Variants in RREB1 observed in about 807,000 individuals in gnomAD.
RREB1 encodes the protein ras responsive element binding protein 1, also known as ras-responsive element-binding protein 1.
Under a neutral mutation model 117.8 loss-of-function variants are expected in RREB1, and 27 were observed. That is an observed-to-expected ratio of 0.23 (90% confidence interval 0.17 to 0.32). The LOEUF is 0.32. Among genes scored for constraint, RREB1 ranks in the 10% least tolerant of loss-of-function variants. RREB1 has a pLI of 1.00. For missense variants in RREB1, 2,577 were observed against 2,378.2 expected, an observed-to-expected ratio of 1.08 and a Z score of -1.74; for synonymous variants, 1,298 against 1,026.7, an observed-to-expected ratio of 1.26 and a Z score of -5.05.
In RREB1 at chr6:7,231,403, G is replaced by C; in HGVS notation, c.3304G>C (p.Asp1102His). The C allele has an allele frequency of 6.2e-7, 1 of 1,613,464 alleles. No individual in the cohort carries two copies. ...ASTGSNTTAS[D>H]SLGGSVPKAA... is the part of the protein sequence containing the mutation. Reference sequence around the variant, plus strand: ...CACTGGCAGTAACACCACGGCTTCAGACAGCTTAGGAGGTTCTGTCCCCAA... The same window carrying C: ...CACTGGCAGTAACACCACGGCTTCACACAGCTTAGGAGGTTCTGTCCCCAA... Residue 1102 changes from aspartate to histidine, a missense_variant, in exon 10 of 13, where the codon GAC becomes CAC. Asp to His is a moderately conservative substitution (Grantham distance 81). Coordinates refer to ENST00000379938, the MANE Select transcript of RREB1 (RefSeq NM_001003699.4).
chr6:7,189,700 A>G (rs1477316312), intron 6 of RREB1, among the ~76,000 whole-genome samples: 4 of 152,236 alleles, frequency 2.6e-5, no homozygotes, highest in Admixed American at 2.0e-4. Flanking sequence ...GATTCCTGAC[A>G]GACCTTTTCA....
At chr6:7,212,037 A>T (rs1408495986) in intron 8 of RREB1, 6 of 319,366 alleles carry the variant, frequency 1.9e-5, no homozygotes, top group African/African-American at 1.1e-4. Context: ...TTCGCAAAAG[A>T]TGTTGCAACT....
intron 6 of RREB1, among the ~76,000 whole-genome samples, chr6:7,203,736 C>T (rs1472432783): frequency 6.6e-6 from 1 of 152,246 alleles, no homozygotes; most frequent in Non-Finnish European, 1.5e-5. Context: ...TACCATGCTA[C>T]AGTCAACAGA....
chr6:7,246,683 G>C lies in RREB1; in HGVS notation c.4233G>C (p.Ser1411=). ...GDADGAEEDA[S]SNQSLDLDFA... ...CCGACGGCGCGGAAGAGGACGCGTC[G>C]AGCAACCAGAGCCTGGACCTGGACT... The change falls in exon 12 of 13, where the codon TCG becomes TCC. Residue 1411 remains serine, a synonymous_variant. Transcript: ENST00000379938. 1.3e-6 allele frequency: 2 copies of C among 1,582,630 alleles called. No homozygotes were observed. Among genetic ancestry groups the C allele is most frequent in the South Asian group, 1.2e-5 (1 of 86,590 alleles).
rs147683490 is a variant in RREB1 at position 7,231,415 on chromosome 6, G to A, written c.3316G>A (p.Gly1106Ser). 2.5e-6 allele frequency: 4 copies of A among 1,613,292 alleles called. No individual in the cohort carries two copies. The highest frequency in any genetic ancestry group is 2.2e-5 in the East Asian group (1 of 44,864). The change falls in exon 10 of 13, where the codon GGT becomes AGT. Residue 1106 changes from glycine to serine, a missense_variant. Physicochemically the swap from Gly to Ser is moderately conservative, Grantham distance 56. Coordinates refer to ENST00000379938, the MANE Select transcript of RREB1 (RefSeq NM_001003699.4). ...SNTTASDSLG[G>S]SVPKAATTAT... is the part of the protein sequence containing the mutation. ...CACCACGGCTTCAGACAGCTTAGGA[G>A]GTTCTGTCCCCAAAGCCGCCACCAC...
At position 7,236,336 on chromosome 6, in the gene RREB1, G is replaced by A. The variant is rs537783539; in HGVS notation, c.3809-4102G>A. ...TTACTTTCTCATGGGTGCTTTGAGC[G>A]CCTTTTTTGAGCCGGCTCAGGCTTT... is the stretch of plus-strand genomic sequence containing the variant. On this transcript the variant is annotated intron_variant, in intron 10 of 12. Coordinates refer to ENST00000379938, the MANE Select transcript of RREB1 (RefSeq NM_001003699.4). 2.0e-4 allele frequency among the ~76,000 whole-genome samples: 30 copies of A among 152,100 alleles called. No homozygotes were observed. In the East Asian group the frequency reaches 2.3e-3, roughly 12 times the overall value.
chr6:7,157,076 CTCT>C (rs1465495529), intron 1 of RREB1, among the ~76,000 whole-genome samples: 6 of 152,206 alleles, frequency 3.9e-5, no homozygotes, highest in African/African-American at 1.4e-4. Flanking sequence ...CTCTTCTTTT[CTCT>C]TCTTCTTACT....
Position 7,194,340 on chromosome 6 carries a change from A to G in RREB1, c.425+5018A>G, listed in dbSNP as rs13192611. Among the ~76,000 whole-genome samples, 23 of 152,312 alleles carry G rather than the reference A, an allele frequency of 1.5e-4. No individual in the cohort carries two copies. The South Asian group carries it at 4.8e-3, about 32-fold the overall frequency. On this transcript the variant is annotated intron_variant, in intron 6 of 12. Transcript: ENST00000379938. Reference sequence around the variant, plus strand: ...TGAGGCAGGCCCATCACTTGAGGCCAGGAGTTTGAGACCAGCCTGGCCAAC... The same window carrying G: ...TGAGGCAGGCCCATCACTTGAGGCCGGGAGTTTGAGACCAGCCTGGCCAAC...
intron 8 of RREB1, among the ~76,000 whole-genome samples, chr6:7,221,210 G>A (rs9379083): frequency 0.29 from 43,850 of 151,248 alleles, 7,993 homozygotes; most frequent in African/African-American, 0.51. Flanking sequence ...CGCCCAGGCC[G>A]GACTGCGGAC....
chr6:7,171,847 A>G (rs117531552), intron 1 of RREB1, among the ~76,000 whole-genome samples: 7 of 152,080 alleles, frequency 4.6e-5, no homozygotes, highest in East Asian at 3.9e-4. Flanking sequence ...CTGAGCAGAA[A>G]GGGTAACCAA....
chr6:7,143,440 G>C (rs1461674549), intron 1 of RREB1, among the ~76,000 whole-genome samples: 3 of 152,176 alleles, frequency 2.0e-5, no homozygotes, highest in African/African-American at 7.2e-5. Context: ...AACCAAGAAG[G>C]GTGTGGGGAG....
At chr6:7,245,465 T>C (rs1029803062) in intron 11 of RREB1, among the ~76,000 whole-genome samples, 1 of 152,244 alleles carries the variant, frequency 6.6e-6, no homozygotes, top group Non-Finnish European at 1.5e-5. Flanking sequence ...GCTTCCAATG[T>C]ACTGTCGTAA....
chr6:7,248,870 G>A lies in RREB1; in HGVS notation c.5131G>A (p.Ala1711Thr). Residue 1711 changes from alanine to threonine, a missense_variant, in exon 13 of 13, where the codon GCC (alanine) becomes ACC (threonine). Ala to Thr is a moderately conservative substitution (Grantham distance 58). Coordinates refer to ENST00000379938, the MANE Select transcript of RREB1 (RefSeq NM_001003699.4). Reference protein sequence around the residue: ...QGDLNPESPAALGQDLLEPRS... With the variant: ...QGDLNPESPATLGQDLLEPRS... The stretch of plus-strand genomic sequence containing the variant: ...TGACCTTAACCCAGAGAGCCCGGCG[G>A]CCCTGGGGCAGGACCTGCTGGAGCC... 6.3e-7 allele frequency: 1 copy of A among 1,596,320 alleles called. No individual in the cohort carries two copies. Among genetic ancestry groups the A allele is most frequent in the South Asian group, 1.1e-5 (1 of 88,932 alleles).
rs780891478 is a variant in RREB1, at chr6:7,230,004, G to T, written c.1905G>T (p.Thr635=). The stretch of plus-strand genomic sequence containing the variant: ...TGACAGCGCCCGGCGGCAAGAAGAC[G>T]CCCGCCATGCGCAAGGTGCTCTACC... ...AFMTAPGGKK[T]PAMRKVLYPC... The change falls in exon 10 of 13, where the codon ACG becomes ACT. Residue 635 remains threonine (T), a synonymous_variant. Transcript: ENST00000379938. 2.2e-5 allele frequency: 35 copies of T among 1,607,848 alleles called. No homozygotes were observed. Among genetic ancestry groups the T allele is most frequent in the Non-Finnish European group, 2.9e-5 (34 of 1,175,914 alleles).
intron 1 of RREB1, among the ~76,000 whole-genome samples, chr6:7,160,219 A>G (rs1002253775): frequency 2.0e-5 from 3 of 152,038 alleles, no homozygotes; most frequent in African/African-American, 7.2e-5. Context: ...CAGCAAATTA[A>G]AAAAAATTTT....
At chr6:7,181,821 C>A in intron 3 of RREB1, 49 bp from the exon 4 acceptor site, 1 of 1,369,350 alleles carries the variant, frequency 7.3e-7, no homozygotes, top group African/African-American at 1.4e-5. Context: ...CTGGCAATGA[C>A]AGAAGCCTAA....
chr6:7,154,930 G>A (rs565056665), intron 1 of RREB1, among the ~76,000 whole-genome samples: 14 of 152,204 alleles, frequency 9.2e-5, no homozygotes, highest in South Asian at 8.3e-4. Flanking sequence ...GGTGGTTTAC[G>A]TGTGGGGGGT....
intron 1 of RREB1, among the ~76,000 whole-genome samples, chr6:7,147,040 T>G (rs141087102): frequency 2.0e-5 from 3 of 152,334 alleles, no homozygotes; most frequent in Non-Finnish European, 4.4e-5. Context: ...CTTCTAACTT[T>G]GAGAGGGTGA....
intron 1 of RREB1, among the ~76,000 whole-genome samples, chr6:7,137,161 GC>G (rs1205672129): frequency 6.6e-6 from 1 of 152,216 alleles, no homozygotes; most frequent in Non-Finnish European, 1.5e-5. Flanking sequence ...CAGGAGTTGA[GC>G]AGTCCTGTCC....
Sources: allele counts gnomAD v4.1 joint callset (sites outside exome capture counted in the v4.1 genomes callset), GRCh38; gene constraint gnomAD v4.1.1; transcripts MANE v1.5; gene names NCBI Gene and HGNC (gene_info 2026-07-23, HGNC 2026-07-21).